ADCY7: variants seen among roughly 807,000 people sequenced by gnomAD.
ADCY7 encodes the protein adenylate cyclase 7, also known as adenylate cyclase type 7.
Under a neutral mutation model 120.6 loss-of-function variants are expected in ADCY7, and 72 were observed. That is an observed-to-expected ratio of 0.60 (90% CI 0.49 to 0.73). The LOEUF is 0.73. Ranked by LOEUF, ADCY7 falls within the 30% of genes least tolerant of loss-of-function variation. The pLI is 0.00. For missense variants in ADCY7, 1,227 were observed against 1,486.0 expected, an observed-to-expected ratio of 0.83 and a Z score of 2.87; for synonymous variants, 661 against 628.0, an observed-to-expected ratio of 1.05 and a Z score of -0.78.
chr16:50,310,140 T>C (rs998263650), intron 18 of ADCY7, among the ~76,000 whole-genome samples: 1 of 152,132 alleles, frequency 6.6e-6, no homozygotes, highest in Non-Finnish European at 1.5e-5. Flanking sequence ...AGAAAGGTTC[T>C]GGGACAAGGG....
At chr16:50,282,030 G>T (rs142238073) in intron 1 of ADCY7, among the ~76,000 whole-genome samples, 6 of 152,290 alleles carry the variant, frequency 3.9e-5, no homozygotes, top group African/African-American at 1.2e-4. Context: ...GGGCCCAGGG[G>T]CCTGAGCGGG....
At chr16:50,315,218 C>G in intron 25 of ADCY7, 80 bp downstream of exon 25, 1 of 1,581,486 alleles carries the variant, frequency 6.3e-7, no homozygotes, top group Non-Finnish European at 8.6e-7. Context: ...TTAAGAGCTG[C>G]TGTCTCACCC....
chr16:50,302,204 AAC>A (rs2035773655), intron 10 of ADCY7, among the ~76,000 whole-genome samples: 1 of 151,758 alleles, frequency 6.6e-6, no homozygotes, highest in African/African-American at 2.4e-5. Flanking sequence ...CTGCACTCAA[AAC>A]ACTCCTCCCT....
chr16:50,250,972 C>T (rs1297671712), intron 1 of ADCY7, among the ~76,000 whole-genome samples: 3 of 152,100 alleles, frequency 2.0e-5, no homozygotes, highest in African/African-American at 7.2e-5. Context: ...AGGTGGCTTA[C>T]ACCTGTAATC....
intron 25 of ADCY7, 69 bp from the exon 26 acceptor site, chr16:50,315,290 T>C: frequency 1.9e-6 from 3 of 1,576,480 alleles, no homozygotes; most frequent in Non-Finnish European, 1.7e-6. Flanking sequence ...CTGGGCAGTC[T>C]CTATCTGTCC....
At position 50,313,056 on chromosome 16, in the gene ADCY7, C is replaced by A; in HGVS notation, c.2751+20C>A. On this transcript the variant is annotated intron_variant, in intron 22 of 25. Coordinates refer to ENST00000673801, the MANE Select transcript of ADCY7 (RefSeq NM_001114.5). ...GACGAGGTACAGCCTCTAGCCCAGCCTTGCGCAGCAGCCCCCACCCATGCT... is the reference window on the plus strand; with the variant it reads ...GACGAGGTACAGCCTCTAGCCCAGCATTGCGCAGCAGCCCCCACCCATGCT... 2 of 1,613,464 alleles carry A rather than the reference C, an allele frequency of 1.2e-6. No individual in the cohort carries two copies. The highest frequency in any genetic ancestry group is 1.7e-6 in the Non-Finnish European group (2 of 1,179,490).
intron 19 of ADCY7, 114 bp downstream of exon 19, chr16:50,310,994 G>A: frequency 8.9e-7 from 1 of 1,121,680 alleles, no homozygotes; most frequent in Non-Finnish European, 1.2e-6. Context: ...TTGCAGGGCG[G>A]GGCTGGCAGA....
At chr16:50,299,279 A>G (rs1360990653) in intron 8 of ADCY7, among the ~76,000 whole-genome samples, 1 of 151,566 alleles carries the variant, frequency 6.6e-6, no homozygotes, top group African/African-American at 2.4e-5. Flanking sequence ...GAGCTGGGTG[A>G]TGTGAGGTCA....
intron 1 of ADCY7, among the ~76,000 whole-genome samples, chr16:50,270,351 C>T (rs546907247): frequency 4.6e-5 from 7 of 152,196 alleles, no homozygotes; most frequent in Non-Finnish European, 7.3e-5. Flanking sequence ...TCCAGCATCC[C>T]GCCTCCAGGC....
At chr16:50,282,561 G>A (rs1374400451) in intron 1 of ADCY7, among the ~76,000 whole-genome samples, 1 of 152,148 alleles carries the variant, frequency 6.6e-6, no homozygotes, top group Non-Finnish European at 1.5e-5. Flanking sequence ...GTAATTCGAT[G>A]GGGTCCCCTG....
rs527804783 is a variant in ADCY7 at position 50,256,312 on chromosome 16, A to G, written c.-64+10109A>G. On this transcript the variant is annotated intron_variant, in intron 1 of 4. Coordinates refer to the ADCY7 transcript ENST00000564044. ...GAACCCATGCAAATGACCAACAGGT[A>G]TACAAAAAAATGTTCAACATTACTA... 2.0e-5 allele frequency among the ~76,000 whole-genome samples: 3 copies of G among 152,370 alleles called. No individual in the cohort carries two copies. The South Asian group carries it at 6.2e-4, about 32-fold the overall frequency.
rs779106684 is a variant in ADCY7 at position 50,292,754 on chromosome 16, C to G, written c.616C>G (p.Arg206Gly). ...FHKHQMQDAS[R>G]DLFTYTVKCI... ...CAAGCACCAAATGCAGGATGCATCC[C>G]GGGACCTCTTCACCTACACTGTGAA... is the stretch of plus-strand genomic sequence containing the variant. The change falls in exon 5 of 26, where the codon CGG becomes GGG. Residue 206 changes from arginine to glycine, a missense_variant. Physicochemically the swap from Arg to Gly is moderately radical, Grantham distance 125. Coordinates refer to ENST00000673801, the MANE Select transcript of ADCY7 (RefSeq NM_001114.5). 6.2e-7 allele frequency: 1 copy of G among 1,613,898 alleles called. No homozygotes were observed. The highest frequency in any genetic ancestry group is 1.1e-5 in the South Asian group (1 of 91,078).
intron 1 of ADCY7, among the ~76,000 whole-genome samples, chr16:50,255,481 C>G (rs1443734557): frequency 6.9e-6 from 1 of 145,646 alleles, no homozygotes; most frequent in Non-Finnish European, 1.5e-5. Context: ...AATATATTTA[C>G]AGCCCAATGA....
In ADCY7 at chr16:50,297,717, G is replaced by A. The variant is rs1286578447; in HGVS notation, c.949-1187G>A. Among the ~76,000 whole-genome samples, 4 of 152,184 alleles carry A rather than the reference G, an allele frequency of 2.6e-5. No individual in the cohort carries two copies. Among genetic ancestry groups the A allele is most frequent in the Non-Finnish European group, 5.9e-5 (4 of 68,026 alleles). On this transcript the variant is annotated intron_variant, in intron 7 of 25. Coordinates refer to ENST00000673801, the MANE Select transcript of ADCY7 (RefSeq NM_001114.5). The surrounding 1 kb of genome is among the most constrained non-coding windows in gnomAD (Gnocchi z 4.4). The stretch of plus-strand genomic sequence containing the variant: ...CTGATGGGCACAGAGTAGGGACGAG[G>A]ACAGGATAGGCTCGAGTCCTGGAGA...
At chr16:50,308,944 GCTC>G in intron 17 of ADCY7, 152 bp downstream of exon 17, 2 of 953,562 alleles carry the variant, frequency 2.1e-6, no homozygotes, top group Non-Finnish European at 2.9e-6. Flanking sequence ...TACACTCAGG[GCTC>G]CTCACCTTTG....
In ADCY7 at chr16:50,290,576, G is replaced by A. The variant is rs772975246; in HGVS notation, c.291G>A (p.Ala97=). The change falls in exon 3 of 26, where the codon GCG becomes GCA. Residue 97 remains alanine, a synonymous_variant. Coordinates refer to ENST00000673801, the MANE Select transcript of ADCY7 (RefSeq NM_001114.5). ...TGCGGCGCTGGCTCAGGGCCTTGGC[G>A]CTGCTCACCTGGGCCTGCTTGGTGG... ...CLLRRWLRAL[A]LLTWACLVAL... is the part of the protein sequence containing the mutation. 29 of 1,614,060 alleles carry A rather than the reference G, an allele frequency of 1.8e-5. No homozygotes were observed. Among genetic ancestry groups the A allele is most frequent in the African/African-American group, 6.7e-5 (5 of 74,938 alleles).
chr16:50,264,805 G>A (rs922427511), upstream of ADCY7, among the ~76,000 whole-genome samples: 1 of 142,604 alleles, frequency 7.0e-6, no homozygotes, highest in East Asian at 2.0e-4. Context: ...TGGGCCATTT[G>A]TCTTTTTCTT....
Position 50,312,930 on chromosome 16 carries a change from T to C in ADCY7, c.2645T>C (p.Phe882Ser), listed in dbSNP as rs1483578618. 1.2e-6 allele frequency: 2 copies of C among 1,614,228 alleles called. No individual in the cohort carries two copies. Among genetic ancestry groups the C allele is most frequent in the Admixed American group, 1.7e-5 (1 of 60,024 alleles). ...TCCTATGACTGCGTCTGTGTCATGT[T>C]TGCCTCCGTGCCGGACTTCAAAGTG... ...HQSYDCVCVM[F>S]ASVPDFKVFY... Residue 882 changes from phenylalanine to serine, a missense_variant, in exon 22 of 26, where the codon TTT becomes TCT. By Grantham distance (155) the Phe-to-Ser change is radical (BLOSUM62 -2). Around this residue, in one of 5 missense-constraint regions of ADCY7, gnomAD observed 244 missense variants for 332.8 expected, o/e 0.73. Coordinates refer to ENST00000673801, the MANE Select transcript of ADCY7 (RefSeq NM_001114.5).
intron 1 of ADCY7, among the ~76,000 whole-genome samples, chr16:50,260,737 G>C (rs1312688047): frequency 1.3e-5 from 2 of 152,196 alleles, no homozygotes; most frequent in Non-Finnish European, 2.9e-5. Flanking sequence ...GTGGGTTGGT[G>C]CTGGCTGCTG....
Sources: allele counts gnomAD v4.1 joint callset (sites outside exome capture counted in the v4.1 genomes callset), GRCh38; gene constraint gnomAD v4.1.1; regional missense constraint gnomAD v4.1.1; non-coding constraint Gnocchi (gnomAD v3.1); transcripts MANE v1.5; gene names NCBI Gene and HGNC (gene_info 2026-07-23, HGNC 2026-07-21).